Variants in NRXN3 observed in about 807,000 individuals in gnomAD.
NRXN3 encodes neurexin III.
Under a neutral mutation model 137.6 loss-of-function variants are expected in NRXN3, and 32 were observed. The observed-to-expected ratio is 0.23, with a 90% CI of 0.18 to 0.31. The LOEUF (loss-of-function observed/expected upper bound fraction) is 0.31, where lower values mean the gene tolerates loss of function less well. Among genes scored for constraint, NRXN3 ranks in the 10% least tolerant of loss-of-function variants. The pLI, the probability that NRXN3 is intolerant of heterozygous loss-of-function variation, is 1.00. For synonymous variants in NRXN3, 798 were observed against 784.5 expected (o/e 1.02, Z -0.29); for missense variants, 1,574 against 2,062.5 (o/e 0.76, Z 4.59).
intron 15 of NRXN3, among the ~76,000 whole-genome samples, chr14:79,342,483 C>T (rs989231572): frequency 5.3e-5 from 8 of 152,016 alleles, no homozygotes; most frequent in Non-Finnish European, 8.8e-5. Flanking sequence ...TATGTGTGTG[C>T]CCAAGTACTA....
intron 19 of NRXN3, among the ~76,000 whole-genome samples, chr14:79,790,157 G>T (rs1338900572): frequency 6.6e-6 from 1 of 152,050 alleles, no homozygotes; most frequent in East Asian, 1.9e-4. Context: ...GAGAAAAGAG[G>T]TTTATTTGGC....
intron 16 of NRXN3, among the ~76,000 whole-genome samples, chr14:79,525,971 C>G (rs2097114828): frequency 1.3e-5 from 2 of 152,078 alleles, no homozygotes; most frequent in African/African-American, 4.8e-5. Context: ...AGCTTCTGAC[C>G]CCTGGGCTCA....
intron 19 of NRXN3, among the ~76,000 whole-genome samples, chr14:79,767,268 T>C (rs892895520): frequency 6.6e-6 from 1 of 152,216 alleles, no homozygotes; most frequent in African/African-American, 2.4e-5. Context: ...TTACTTTAAT[T>C]TCACTAATGG....
chr14:78,419,950 C>CGT (rs200999039), intron 4 of NRXN3, among the ~76,000 whole-genome samples: 645 of 24,304 alleles, frequency 0.027, 7 homozygotes, highest in Middle Eastern at 0.075. Context: ...TGTGTGCGCG[C>CGT]GCGCGCGCAC....
intron 4 of NRXN3, among the ~76,000 whole-genome samples, chr14:78,608,168 A>G (rs1050330393): frequency 6.6e-6 from 1 of 152,206 alleles, no homozygotes; most frequent in Admixed American, 6.5e-5. Flanking sequence ...TTTAGCCTGC[A>G]TAGGTCTGGG....
intron 15 of NRXN3, among the ~76,000 whole-genome samples, chr14:79,233,731 C>T (rs1346832021): frequency 6.6e-6 from 1 of 151,250 alleles, no homozygotes; most frequent in Non-Finnish European, 1.5e-5. Context: ...GAGGATTAGA[C>T]TTAAATTTGG....
chr14:78,767,728 G>A (rs1031550613), intron 8 of NRXN3, among the ~76,000 whole-genome samples: 1 of 152,140 alleles, frequency 6.6e-6, no homozygotes, highest in Admixed American at 6.6e-5. Flanking sequence ...GTCTCGGAAT[G>A]CTTTAAAAGA....
intron 4 of NRXN3, among the ~76,000 whole-genome samples, chr14:78,479,825 A>C (rs2095442534): frequency 6.6e-6 from 1 of 152,120 alleles, no homozygotes; most frequent in Non-Finnish European, 1.5e-5. Flanking sequence ...TGCATTAGGT[A>C]CCCTGAGGAA....
intron 15 of NRXN3, among the ~76,000 whole-genome samples, chr14:79,257,589 A>ATGGTGG (rs780777887): frequency 6.7e-5 from 2 of 29,866 alleles, no homozygotes; most frequent in Non-Finnish European, 7.1e-5. Context: ...GATGGTAATG[A>ATGGTGG]TGGTGGTGGT....
chr14:78,479,368 A>G (rs2095434539), intron 4 of NRXN3, among the ~76,000 whole-genome samples: 1 of 152,200 alleles, frequency 6.6e-6, no homozygotes, highest in Admixed American at 6.5e-5. Context: ...GTTGAATTCC[A>G]TCGGCAGAGT....
chr14:79,377,371 G>C (rs2094333445), intron 15 of NRXN3, among the ~76,000 whole-genome samples: 1 of 152,174 alleles, frequency 6.6e-6, no homozygotes, highest in African/African-American at 2.4e-5. Context: ...AATATCCATA[G>C]CATGACTATT....
At chr14:78,641,457 G>A (rs1453283838) in intron 4 of NRXN3, among the ~76,000 whole-genome samples, 2 of 152,180 alleles carry the variant, frequency 1.3e-5, no homozygotes, top group Admixed American at 1.3e-4. Context: ...GGGGGACAGA[G>A]CGAGACTCTG....
rs540513772 is a variant in NRXN3 at position 78,174,990 on chromosome 14, T to C, written c.-704+4316T>C. Among the ~76,000 whole-genome samples the C allele has an allele frequency of 1.2e-3, 183 of 152,224 alleles. 2 individuals carry two copies. Among genetic ancestry groups the C allele is most frequent in the African/African-American group, 4.2e-3 (175 of 41,534 alleles). ...TCTTGCTCCCCTGGCATCAGCCACC[T>C]CTTGGGCGGCTCGGCCTTGTTGGAG... On this transcript the variant is annotated intron_variant, in intron 1 of 20. Transcript: ENST00000335750.
intron 16 of NRXN3, among the ~76,000 whole-genome samples, chr14:79,636,141 A>G (rs2098401873): frequency 6.6e-6 from 1 of 152,208 alleles, no homozygotes; most frequent in African/African-American, 2.4e-5. Flanking sequence ...ATGACATTAT[A>G]TTCGTTTGAT....
At chr14:78,814,789 A>T (rs947138353) in intron 10 of NRXN3, among the ~76,000 whole-genome samples, 2 of 152,166 alleles carry the variant, frequency 1.3e-5, no homozygotes, top group African/African-American at 4.8e-5. Context: ...CGCAAGTGAA[A>T]GTATGGAAAA....
chr14:79,614,916 G>A (rs1006744643), intron 16 of NRXN3, among the ~76,000 whole-genome samples: 1 of 152,252 alleles, frequency 6.6e-6, no homozygotes, highest in East Asian at 1.9e-4. Flanking sequence ...AGGTCAAAAA[G>A]GAAAAAATAA....
intron 8 of NRXN3, among the ~76,000 whole-genome samples, chr14:78,778,677 CTTT>C (rs747057755): frequency 7.6e-5 from 9 of 119,202 alleles, no homozygotes; most frequent in African/African-American, 2.7e-4. Context: ...TTTCTCTTTT[CTTT>C]TCTTTCTTTC....
chr14:79,178,425 T>G (rs2062579710), intron 15 of NRXN3, among the ~76,000 whole-genome samples: 1 of 152,220 alleles, frequency 6.6e-6, no homozygotes, highest in Non-Finnish European at 1.5e-5. Context: ...TTATATTCAC[T>G]CTGTTATTGT....
intron 10 of NRXN3, among the ~76,000 whole-genome samples, chr14:78,879,576 T>C (rs1446781488): frequency 6.6e-6 from 1 of 152,188 alleles, no homozygotes; most frequent in African/African-American, 2.4e-5. Flanking sequence ...GGGTTATTTG[T>C]TTACTTGCTA....
Sources: allele counts gnomAD v4.1 joint callset (sites outside exome capture counted in the v4.1 genomes callset), GRCh38; gene constraint gnomAD v4.1.1; transcripts MANE v1.5; gene names NCBI Gene and HGNC (gene_info 2026-07-23, HGNC 2026-07-21).